ATP8A2: variants seen among roughly 807,000 people sequenced by gnomAD.
ATP8A2 encodes the protein ATPase phospholipid transporting 8A2, also known as phospholipid-transporting ATPase IB.
In ATP8A2, 100 loss-of-function variants were observed where a neutral mutation model predicts 165.6. The observed-to-expected ratio is 0.60, with a 90% confidence interval of 0.51 to 0.71. The LOEUF is 0.71. Among genes scored for constraint, ATP8A2 ranks in the 30% least tolerant of loss-of-function variants. ATP8A2 has a pLI of 0.00. For missense variants in ATP8A2, 1,227 were observed against 1,479.5 expected, an observed-to-expected ratio of 0.83 and a Z score of 2.80; for synonymous variants, 543 against 548.8, an observed-to-expected ratio of 0.99 and a Z score of 0.15.
At chr13:25,682,246 A>G (rs1683354303) in intron 24 of ATP8A2, among the ~76,000 whole-genome samples, 1 of 151,214 alleles carries the variant, frequency 6.6e-6, no homozygotes, top group African/African-American at 2.4e-5. Context: ...TTGACCTTCC[A>G]CTCTTATTGT....
rs372077993 is a variant in ATP8A2, at chr13:25,532,212, A to G, written c.421-60A>G. On this transcript the variant is annotated intron_variant, in intron 4 of 36. Transcript: ENST00000381655. ...TAATTTCCTGATTGTTTTGTTTGCT[A>G]TTTCAATTATTCATGTGGAACTTTT... The G allele has an allele frequency of 4.3e-5, 57 of 1,313,690 alleles. No homozygotes were observed. The African/African-American group carries it at 7.7e-4, about 18-fold the overall frequency. 81.4% of individuals were successfully genotyped at this position (1,313,690 alleles called of 1,614,324 possible).
intron 33 of ATP8A2, among the ~76,000 whole-genome samples, chr13:25,888,068 A>ACCCCCCCCCCCCCCCCCCC (rs71080210): frequency 1.9e-5 from 2 of 105,582 alleles, no homozygotes; most frequent in Non-Finnish European, 3.9e-5. Context: ...AAGAACCCAG[A>ACCCCCCCCCCCCCCCCCCC]CCCCCCCCCC....
At chr13:25,909,744 C>T (rs1423350731) in intron 33 of ATP8A2, among the ~76,000 whole-genome samples, 2 of 152,106 alleles carry the variant, frequency 1.3e-5, no homozygotes, top group South Asian at 2.1e-4. Flanking sequence ...TTTCCAGAAC[C>T]TTTTCATCTT....
chr13:25,905,187 A>G (rs1032954306), intron 33 of ATP8A2, among the ~76,000 whole-genome samples: 3 of 152,008 alleles, frequency 2.0e-5, no homozygotes, highest in Non-Finnish European at 4.4e-5. Flanking sequence ...TGAAGACCTA[A>G]CTTTAGCCTC....
At chr13:25,853,625 C>T (rs9511958) in intron 30 of ATP8A2, among the ~76,000 whole-genome samples, 20,278 of 152,048 alleles carry the variant, frequency 0.13, 1,614 homozygotes, top group Non-Finnish European at 0.18. Flanking sequence ...CTTAGTCTCC[C>T]ATGCCTGCTA....
chr13:25,576,489 G>T (rs983362822), intron 19 of ATP8A2, among the ~76,000 whole-genome samples: 1 of 152,134 alleles, frequency 6.6e-6, no homozygotes, highest in Admixed American at 6.5e-5. Flanking sequence ...TTCATAGGCG[G>T]TGGAGACTCA....
At chr13:25,942,581 C>A (rs997257662) in intron 33 of ATP8A2, among the ~76,000 whole-genome samples, 3 of 152,180 alleles carry the variant, frequency 2.0e-5, no homozygotes, top group African/African-American at 7.2e-5. Context: ...TACCACCACA[C>A]CCAGCTAATT....
At chr13:25,512,572 C>A in intron 2 of ATP8A2, among the ~76,000 whole-genome samples, 1 of 149,584 alleles carries the variant, frequency 6.7e-6, no homozygotes, top group East Asian at 2.0e-4. Flanking sequence ...CCTCACTTCC[C>A]AGTAGGGGCG....
At chr13:25,720,169 T>TTTTTTTTTC (rs1177444710) in intron 25 of ATP8A2, among the ~76,000 whole-genome samples, 5 of 116,894 alleles carry the variant, frequency 4.3e-5, no homozygotes, top group African/African-American at 1.9e-4. Context: ...TACTTTTTCT[T>TTTTTTTTTC]TTTTTTTTTT....
chr13:25,525,723 A>G (rs1188825950), intron 2 of ATP8A2, among the ~76,000 whole-genome samples: 2 of 151,950 alleles, frequency 1.3e-5, no homozygotes, highest in African/African-American at 4.8e-5. Context: ...TTCTGTTGCT[A>G]CTTTTAGGAT....
intron 33 of ATP8A2, among the ~76,000 whole-genome samples, chr13:25,952,300 C>T (rs575081301): frequency 1.3e-5 from 2 of 152,172 alleles, no homozygotes; most frequent in African/African-American, 4.8e-5. Context: ...TAGATTTCAG[C>T]CTGGAATTTG....
Position 25,374,045 on chromosome 13 carries a change from G to A in ATP8A2, c.76+1757G>A, listed in dbSNP as rs112185819. 8.4e-4 allele frequency among the ~76,000 whole-genome samples: 128 copies of A among 152,284 alleles called. 1 individual carries two copies. Among genetic ancestry groups the A allele is most frequent in the African/African-American group, 2.8e-3 (117 of 41,550 alleles). On this transcript the variant is annotated intron_variant, in intron 1 of 36. Transcript: ENST00000381655. ...GAATTATGTGATCAGCTGTCAATGTGTACAGATGTGACTTAGAAAAGAGGG... is the reference window on the plus strand; with the variant it reads ...GAATTATGTGATCAGCTGTCAATGTATACAGATGTGACTTAGAAAAGAGGG...
At chr13:25,851,197 C>T (rs1478124633) in intron 30 of ATP8A2, among the ~76,000 whole-genome samples, 2 of 152,200 alleles carry the variant, frequency 1.3e-5, no homozygotes, top group African/African-American at 4.8e-5. Flanking sequence ...AGGCTTAGCC[C>T]ATCTTCATTA....
chr13:25,466,356 C>A (rs910252497), intron 1 of ATP8A2, among the ~76,000 whole-genome samples: 2 of 152,070 alleles, frequency 1.3e-5, no homozygotes, highest in Non-Finnish European at 2.9e-5. Context: ...CCTACAATGC[C>A]CTTCCCTTTC....
At chr13:25,534,189 G>A (rs762946179) in intron 6 of ATP8A2, 3 of 532,780 alleles carry the variant, frequency 5.6e-6, no homozygotes, top group Admixed American at 1.9e-5. Context: ...AGGAGAATTC[G>A]CCACCCTTTA....
At chr13:25,489,849 C>T (rs1442344703) in intron 2 of ATP8A2, among the ~76,000 whole-genome samples, 1 of 152,118 alleles carries the variant, frequency 6.6e-6, no homozygotes, top group Non-Finnish European at 1.5e-5. Flanking sequence ...AGGGGGCTGC[C>T]GAGGTAAATG....
At chr13:25,759,471 T>A (rs2044335074) in intron 25 of ATP8A2, among the ~76,000 whole-genome samples, 1 of 152,120 alleles carries the variant, frequency 6.6e-6, no homozygotes, top group Admixed American at 6.6e-5. Flanking sequence ...ACAGCAGAGG[T>A]CAGGCACACT....
chr13:25,663,674 G>A (rs887641303), intron 24 of ATP8A2, among the ~76,000 whole-genome samples: 25 of 152,230 alleles, frequency 1.6e-4, no homozygotes, highest in Non-Finnish European at 3.5e-4. Context: ...TAGAGATGAA[G>A]CAATCTTCGA....
intron 35 of ATP8A2, among the ~76,000 whole-genome samples, chr13:26,000,921 A>G (rs1956619934): frequency 6.6e-6 from 1 of 152,192 alleles, no homozygotes; most frequent in South Asian, 2.1e-4. Context: ...TTTGCCATAC[A>G]TGGCAGTTGG....
Sources: allele counts gnomAD v4.1 joint callset (sites outside exome capture counted in the v4.1 genomes callset), GRCh38; gene constraint gnomAD v4.1.1; transcripts MANE v1.5; gene names NCBI Gene and HGNC (gene_info 2026-07-23, HGNC 2026-07-21).